BBS9: variants seen among roughly 807,000 people sequenced by gnomAD.
The protein encoded by BBS9 is Bardet-Biedl syndrome 9, also known as protein PTHB1.
A neutral mutation model predicts 117.7 loss-of-function variants in BBS9; 89 were observed. That is an observed-to-expected ratio of 0.76 (90% CI 0.64 to 0.90). The LOEUF (loss-of-function observed/expected upper bound fraction) is 0.90, where lower values mean the gene tolerates loss of function less well. Among genes scored for constraint, BBS9 ranks in the 40% least tolerant of loss-of-function variants. The pLI, the probability that BBS9 is intolerant of heterozygous loss-of-function variation, is 0.00. For missense variants in BBS9, 982 were observed against 1,042.2 expected (o/e 0.94, Z 0.80); for synonymous variants, 379 against 370.9 (o/e 1.02, Z -0.25).
chr7:33,408,144 G>T (rs533017836), intron 19 of BBS9, among the ~76,000 whole-genome samples: 11 of 152,140 alleles, frequency 7.2e-5, no homozygotes, highest in African/African-American at 2.7e-4. Context: ...GGCAATGGCG[G>T]GCGCCCCTCC....
chr7:33,390,255 A>G (rs553500833), intron 19 of BBS9: 46 of 985,420 alleles, frequency 4.7e-5, no homozygotes, highest in Non-Finnish European at 5.4e-5. Flanking sequence ...GTGGAAGGGC[A>G]TTTAAAGGAA....
intron 21 of BBS9, among the ~76,000 whole-genome samples, chr7:33,548,659 G>C (rs1315378297): frequency 6.6e-6 from 1 of 151,724 alleles, no homozygotes; most frequent in East Asian, 1.9e-4. Flanking sequence ...CAAATCATGA[G>C]TGAACTCCCA....
chr7:33,590,320 A>G (rs1861632664), intron 21 of BBS9, among the ~76,000 whole-genome samples: 1 of 152,116 alleles, frequency 6.6e-6, no homozygotes, highest in South Asian at 2.1e-4. Context: ...CTGGCATGAA[A>G]GTGGGGTCAA....
intron 19 of BBS9, among the ~76,000 whole-genome samples, chr7:33,468,285 T>C (rs972524199): frequency 5.3e-5 from 8 of 152,170 alleles, no homozygotes; most frequent in Non-Finnish European, 2.9e-5. Flanking sequence ...ATTAGAAAAC[T>C]GTTCTAATGG....
intron 5 of BBS9, among the ~76,000 whole-genome samples, chr7:33,221,876 G>T (rs1334346908): frequency 6.6e-6 from 1 of 151,622 alleles, no homozygotes; most frequent in East Asian, 1.9e-4. Context: ...TCATATATGT[G>T]ATATGAAATG....
intron 9 of BBS9, among the ~76,000 whole-genome samples, 169 bp downstream of exon 9, chr7:33,274,125 G>A (rs1333447537): frequency 6.6e-6 from 1 of 152,024 alleles, no homozygotes; most frequent in Non-Finnish European, 1.5e-5. Flanking sequence ...TGGAAAGGAA[G>A]GATAATTAGT....
chr7:33,554,352 A>C (rs1015478893), intron 21 of BBS9, among the ~76,000 whole-genome samples: 6 of 152,204 alleles, frequency 3.9e-5, no homozygotes, highest in Admixed American at 3.3e-4. Flanking sequence ...GGAGCAGCTG[A>C]AGAGACTATT....
In BBS9 at chr7:33,384,715, T is replaced by TGAGAGAGAGA. The variant is rs60567131; in HGVS notation, c.1962+894_1962+903dup. On this transcript the variant is annotated intron_variant, in intron 18 of 22. Coordinates refer to ENST00000242067, the MANE Select transcript of BBS9 (RefSeq NM_198428.3). ...GCATGTGTCTGTGTGTGTGTGTGTG[T>TGAGAGAGAGA]GAGAGAGAGAGAGAGAGAGAGAGAG... Among the ~76,000 whole-genome samples the TGAGAGAGAGA allele has an allele frequency of 1.5e-4, 22 of 144,818 alleles. 1 individual carries two copies. The highest frequency in any genetic ancestry group is 1.1e-3 in the South Asian group (5 of 4,522).
chr7:33,245,464 A>T (rs1232165192), intron 5 of BBS9, among the ~76,000 whole-genome samples: 1 of 152,164 alleles, frequency 6.6e-6, no homozygotes, highest in African/African-American at 2.4e-5. Context: ...TAAGTGTCAC[A>T]TACCAAAACT....
intron 19 of BBS9, among the ~76,000 whole-genome samples, chr7:33,444,867 A>ATG (rs1836763964): frequency 6.6e-6 from 1 of 152,214 alleles, no homozygotes; most frequent in Non-Finnish European, 1.5e-5. Flanking sequence ...TTATCAATAT[A>ATG]TGCAGACCTT....
At chr7:33,281,532 C>T (rs1229849601) in intron 9 of BBS9, among the ~76,000 whole-genome samples, 1 of 151,608 alleles carries the variant, frequency 6.6e-6, no homozygotes, top group African/African-American at 2.4e-5. Flanking sequence ...TGTCACCACA[C>T]TCAGTTAATT....
chr7:33,614,238 A>G (rs1404723518), intron 21 of BBS9, among the ~76,000 whole-genome samples: 1 of 152,154 alleles, frequency 6.6e-6, no homozygotes, highest in Non-Finnish European at 1.5e-5. Flanking sequence ...GAAAACTTGA[A>G]TAATCCTATA....
At chr7:33,372,246 G>A (rs1180220057) in intron 17 of BBS9, among the ~76,000 whole-genome samples, 1 of 152,110 alleles carries the variant, frequency 6.6e-6, no homozygotes, top group Admixed American at 6.5e-5. Context: ...GAAGACCAAT[G>A]GGGACAAAGA....
At position 33,473,228 on chromosome 7, in the gene BBS9, T is replaced by C. The variant is rs367560126; in HGVS notation, c.2116-32235T>C. ...AGAATAGTATTTTGAAAAACAAAAA[T>C]GTTGCCTACAGACTAAAGTATTTTA... On this transcript the variant is annotated intron_variant, in intron 19 of 22. Coordinates refer to ENST00000242067, the MANE Select transcript of BBS9 (RefSeq NM_198428.3). Among the ~76,000 whole-genome samples, 60 of 152,334 alleles carry C rather than the reference T, an allele frequency of 3.9e-4. 1 individual carries two copies. In the East Asian group the frequency reaches 7.1e-3, roughly 18 times the overall value.
intron 9 of BBS9, among the ~76,000 whole-genome samples, chr7:33,310,449 G>T (rs1165878051): frequency 6.6e-6 from 1 of 152,088 alleles, no homozygotes; most frequent in Non-Finnish European, 1.5e-5. Flanking sequence ...CTCATTCTGG[G>T]CAAGAGCCAA....
chr7:33,385,764 G>A (rs1221435938), intron 18 of BBS9, among the ~76,000 whole-genome samples: 1 of 151,334 alleles, frequency 6.6e-6, no homozygotes, highest in Non-Finnish European at 1.5e-5. Context: ...TTTATTACAG[G>A]AAATAAATTA....
intron 5 of BBS9, among the ~76,000 whole-genome samples, chr7:33,181,680 C>A (rs967402352): frequency 6.6e-6 from 1 of 152,198 alleles, no homozygotes; most frequent in Non-Finnish European, 1.5e-5. Context: ...TGGAATAATA[C>A]ACCTTTAACT....
intron 19 of BBS9, among the ~76,000 whole-genome samples, chr7:33,489,909 A>G (rs1843670784): frequency 6.6e-6 from 1 of 152,194 alleles, no homozygotes; most frequent in African/African-American, 2.4e-5. Context: ...TCTTTATCAC[A>G]GTGTTGGATA....
chr7:33,544,881 G>T (rs1853036155), intron 21 of BBS9, among the ~76,000 whole-genome samples: 1 of 152,056 alleles, frequency 6.6e-6, no homozygotes, highest in African/African-American at 2.4e-5. Flanking sequence ...GCTGCTGTCT[G>T]GGATGGGGGC....
Sources: gnomAD v4.1 joint callset for allele counts (sites outside exome capture counted in the v4.1 genomes callset) on GRCh38, gnomAD v4.1.1 for gene constraint, MANE v1.5 for transcripts, NCBI Gene and HGNC (gene_info 2026-07-23, HGNC 2026-07-21) for gene names.